The following SIPA1L3 variants were observed in gnomAD, a reference collection of about 807,000 sequenced individuals.
The protein encoded by SIPA1L3 is signal induced proliferation associated 1 like 3.
Under a neutral mutation model 150.1 loss-of-function variants are expected in SIPA1L3, and 59 were observed. The observed-to-expected ratio is 0.39, with a 90% confidence interval of 0.32 to 0.49. SIPA1L3 has a LOEUF of 0.49. Ranked by LOEUF, SIPA1L3 falls within the 20% of genes least tolerant of loss-of-function variation. SIPA1L3 has a pLI of 0.86. For synonymous variants in SIPA1L3, 1,070 were observed against 1,077.6 expected, an observed-to-expected ratio of 0.99 and a Z score of 0.14; for missense variants, 2,211 against 2,489.5, an observed-to-expected ratio of 0.89 and a Z score of 2.38.
chr19:37,988,768 C>G (rs1967425072), intron 1 of SIPA1L3, among the ~76,000 whole-genome samples: 1 of 152,192 alleles, frequency 6.6e-6, no homozygotes, highest in Admixed American at 6.5e-5. Context: ...TGATCTGGCC[C>G]TGTCACCTCT....
intron 1 of SIPA1L3, among the ~76,000 whole-genome samples, chr19:37,959,036 G>T (rs1445404483): frequency 6.6e-6 from 1 of 152,208 alleles, no homozygotes; most frequent in Admixed American, 6.5e-5. Flanking sequence ...ACAAGTGTTG[G>T]CCAGGATGTG....
chr19:38,006,782 C>G (rs1256208004), intron 1 of SIPA1L3, among the ~76,000 whole-genome samples: 1 of 152,126 alleles, frequency 6.6e-6, no homozygotes. Context: ...CCTTTCACCC[C>G]GGCAGCTCCA....
intron 19 of SIPA1L3, among the ~76,000 whole-genome samples, chr19:38,199,441 C>T (rs1046099982): frequency 2.0e-5 from 3 of 152,350 alleles, no homozygotes; most frequent in South Asian, 2.1e-4. Context: ...TACCCACTCC[C>T]AGCCGCTCCG....
At chr19:38,074,510 C>T (rs781502499) in intron 2 of SIPA1L3, among the ~76,000 whole-genome samples, 1 of 152,226 alleles carries the variant, frequency 6.6e-6, no homozygotes, top group Non-Finnish European at 1.5e-5. Flanking sequence ...GGACAGGCAG[C>T]GCCCTCAGGC....
intron 18 of SIPA1L3, among the ~76,000 whole-genome samples, chr19:38,196,491 A>AG (rs1268253630): frequency 5.6e-5 from 6 of 106,706 alleles, no homozygotes; most frequent in African/African-American, 1.8e-4. Context: ...GTGGATGTCA[A>AG]GGCGGAGCAA....
At chr19:38,076,046 C>A (rs573749154) in intron 2 of SIPA1L3, among the ~76,000 whole-genome samples, 2 of 151,586 alleles carry the variant, frequency 1.3e-5, no homozygotes, top group Non-Finnish European at 2.9e-5. Flanking sequence ...GAGGCTGAGG[C>A]AGGAGAATGG....
chr19:37,945,897 G>A (rs964564260), intron 1 of SIPA1L3, among the ~76,000 whole-genome samples: 1 of 152,150 alleles, frequency 6.6e-6, no homozygotes, highest in Non-Finnish European at 1.5e-5. Context: ...GCTCACGCCT[G>A]TAATACCAGC....
In SIPA1L3 at chr19:38,106,562, C is replaced by T. The variant is rs777721159; in HGVS notation, c.2055C>T (p.Leu685=). Residue 685 remains leucine, a synonymous_variant, in exon 7 of 22, where the codon CTC becomes CTT. Coordinates refer to ENST00000222345, the MANE Select transcript of SIPA1L3 (RefSeq NM_015073.3). ...CCGACTCCACGGGAACCCACTCCCTCTACACGATGTACCAGGACTACGAGA... is the reference window on the plus strand; with the variant it reads ...CCGACTCCACGGGAACCCACTCCCTTTACACGATGTACCAGGACTACGAGA... ...VKTDSTGTHS[L]YTMYQDYEIM... The T allele has an allele frequency of 1.5e-5, 24 of 1,613,786 alleles. No homozygotes were observed. The South Asian group carries it at 2.6e-4, about 18-fold the overall frequency.
chr19:37,954,923 C>G (rs1232266418), intron 1 of SIPA1L3, among the ~76,000 whole-genome samples: 1 of 151,924 alleles, frequency 6.6e-6, no homozygotes, highest in Non-Finnish European at 1.5e-5. Context: ...CCTGTCTCTA[C>G]TAAAAATACA....
At chr19:38,088,580 A>C in intron 3 of SIPA1L3, 141 bp from the exon 4 acceptor site, 2 of 1,012,164 alleles carry the variant, frequency 2.0e-6, no homozygotes, top group Admixed American at 5.2e-5. Context: ...GGTGTCTGTG[A>C]CCAGGCATGA....
chr19:38,123,680 G>A (rs1036277953), intron 9 of SIPA1L3, among the ~76,000 whole-genome samples: 25 of 152,194 alleles, frequency 1.6e-4, no homozygotes, highest in Non-Finnish European at 3.2e-4. Context: ...ACACAGACAC[G>A]GCAACCATCC....
intron 8 of SIPA1L3, among the ~76,000 whole-genome samples, chr19:38,112,320 A>G (rs747279421): frequency 3.1e-4 from 47 of 152,186 alleles, no homozygotes; most frequent in Admixed American, 2.6e-4. Flanking sequence ...ACATACACAC[A>G]TGCACACACT....
At chr19:37,921,656 A>G (rs2046458429) in intron 1 of SIPA1L3, among the ~76,000 whole-genome samples, 1 of 149,060 alleles carries the variant, frequency 6.7e-6, no homozygotes, top group Non-Finnish European at 1.5e-5. Context: ...CCTGGAGTGC[A>G]GTGGCACGAT....
At chr19:37,963,515 A>G (rs1294630287) in intron 1 of SIPA1L3, among the ~76,000 whole-genome samples, 1 of 152,238 alleles carries the variant, frequency 6.6e-6, no homozygotes, top group Non-Finnish European at 1.5e-5. Context: ...CCAGCCACAA[A>G]GTTTTCATGG....
chr19:37,909,301 G>A (rs1021481147), intron 1 of SIPA1L3, among the ~76,000 whole-genome samples: 14 of 152,110 alleles, frequency 9.2e-5, no homozygotes, highest in African/African-American at 2.9e-4. Flanking sequence ...TCCGTCTCCC[G>A]GGTTCAAGCA....
At chr19:38,038,836 G>A (rs1034873618) in intron 2 of SIPA1L3, among the ~76,000 whole-genome samples, 2 of 152,142 alleles carry the variant, frequency 1.3e-5, no homozygotes, top group Admixed American at 6.6e-5. Flanking sequence ...GTTACTGAGC[G>A]ACATTATAAA....
chr19:37,991,840 G>A (rs1313830259), intron 1 of SIPA1L3, among the ~76,000 whole-genome samples: 1 of 152,212 alleles, frequency 6.6e-6, no homozygotes, highest in African/African-American at 2.4e-5. Context: ...GTGTGAGGCT[G>A]TGGAGCCTTG....
Position 38,100,023 on chromosome 19 carries a change from C to T in SIPA1L3, c.1727C>T (p.Thr576Ile). 6.2e-7 allele frequency: 1 copy of T among 1,611,380 alleles called. No homozygotes were observed. Among genetic ancestry groups the T allele is most frequent in the Non-Finnish European group, 8.5e-7 (1 of 1,179,022 alleles). Residue 576 changes from threonine (T) to isoleucine (I), a missense_variant, in exon 5 of 22, where the codon ACC becomes ATC. Thr to Ile is a moderately conservative substitution (Grantham distance 89). Coordinates refer to ENST00000222345, the MANE Select transcript of SIPA1L3 (RefSeq NM_015073.3). ...ACGCCCACAGCCACCAAGCATGGGACCGGGCGGGGCCTGCCCTTGAAGGAT... is the reference window on the plus strand; with the variant it reads ...ACGCCCACAGCCACCAAGCATGGGATCGGGCGGGGCCTGCCCTTGAAGGAT... ...DATPTATKHG[T>I]GRGLPLKDAL... is the part of the protein sequence containing the mutation.
intron 6 of SIPA1L3, 67 bp from the exon 7 acceptor site, chr19:38,106,470 G>T (rs1259126782): frequency 1.0e-6 from 1 of 971,216 alleles, no homozygotes; most frequent in South Asian, 1.3e-5. Flanking sequence ...AGCACAGATG[G>T]TACGTGGGAT....
Sources: allele counts gnomAD v4.1 joint callset (sites outside exome capture counted in the v4.1 genomes callset), GRCh38; gene constraint gnomAD v4.1.1; transcripts MANE v1.5; gene names NCBI Gene and HGNC (gene_info 2026-07-23, HGNC 2026-07-21).